Variants in CCDC68 observed in about 807,000 individuals in gnomAD.
The protein encoded by CCDC68 is coiled-coil domain containing 68.
Under a neutral mutation model 47.1 loss-of-function variants are expected in CCDC68, and 45 were observed. The observed-to-expected ratio is 0.96, with a 90% CI of 0.75 to 1.23. CCDC68 has a LOEUF of 1.23. CCDC68 is among the 50% of genes most tolerant of loss of function. The probability of loss-of-function intolerance (pLI) is 0.00; values close to 1 mark genes in which losing one functional copy is unlikely to be tolerated. For synonymous variants in CCDC68, 131 were observed against 129.5 expected (o/e 1.01, Z -0.08); for missense variants, 353 against 373.6 (o/e 0.94, Z 0.45).
intron 11 of CCDC68, among the ~76,000 whole-genome samples, chr18:54,907,027 T>G (rs548701302): frequency 1.3e-5 from 2 of 152,328 alleles, no homozygotes; most frequent in East Asian, 3.9e-4. Context: ...GAAAATAAGA[T>G]TCTTCCCTAG....
At chr18:54,918,055 A>C (rs1023120814) in intron 9 of CCDC68, 59 bp from the exon 10 acceptor site, 10 of 715,960 alleles carry the variant, frequency 1.4e-5, no homozygotes, top group Non-Finnish European at 2.3e-5. Context: ...ATAGTTACTT[A>C]AGTCAGAAAT....
intron 3 of CCDC68, 32 bp from the exon 4 acceptor site, chr18:54,941,115 A>G (rs757793324): frequency 9.8e-6 from 15 of 1,536,326 alleles, no homozygotes; most frequent in Non-Finnish European, 1.3e-5. Flanking sequence ...ATTTGTTTCA[A>G]AGGCATTTAA....
chr18:54,946,647 T>C (rs1191161314), intron 1 of CCDC68, among the ~76,000 whole-genome samples: 1 of 152,226 alleles, frequency 6.6e-6, no homozygotes, highest in Non-Finnish European at 1.5e-5. Flanking sequence ...TCCTAAAATA[T>C]ACTCTCTTAT....
intron 1 of CCDC68, chr18:54,954,861 T>G (rs916764308): frequency 6.6e-6 from 1 of 152,156 alleles, no homozygotes; most frequent in Non-Finnish European, 1.5e-5. Flanking sequence ...AGTAGTAGTA[T>G]TCTCATCTAG....
chr18:54,948,562 T>C (rs2145623513), intron 1 of CCDC68, among the ~76,000 whole-genome samples: 1 of 152,312 alleles, frequency 6.6e-6, no homozygotes, highest in East Asian at 1.9e-4. Context: ...CTGTTTATAT[T>C]GTAGAGACTG....
At chr18:54,938,895 T>C (rs1025135776) in intron 4 of CCDC68, among the ~76,000 whole-genome samples, 3 of 152,272 alleles carry the variant, frequency 2.0e-5, no homozygotes, top group Non-Finnish European at 4.4e-5. Context: ...ACACCTGTTA[T>C]ATGCCAGGTC....
intron 1 of CCDC68, among the ~76,000 whole-genome samples, chr18:54,956,903 A>C (rs2044720739): frequency 6.6e-6 from 1 of 152,180 alleles, no homozygotes; most frequent in African/African-American, 2.4e-5. Flanking sequence ...TGGTATGTAA[A>C]TTATACCTCC....
chr18:54,903,321 A>T lies in CCDC68; in HGVS notation c.*1037T>A, dbSNP rs567733306. 3 of 152,286 alleles carry T rather than the reference A, an allele frequency of 2.0e-5. No homozygotes were observed. The East Asian group carries it at 5.8e-4, about 29-fold the overall frequency. The allele number at this position is 152,286 out of a possible 1,614,324, so 9.4% of individuals were successfully genotyped here. ...TTTAATTGAAGTTTGTTCTTTCCTG[A>T]CTGTATGTCTGCATTTCTGCAAGTC... is the stretch of plus-strand genomic sequence containing the variant. On this transcript the variant is annotated 3_prime_UTR_variant, in exon 12 of 12. Transcript: ENST00000591504.
chr18:54,921,927 T>C (rs888122349), intron 8 of CCDC68, among the ~76,000 whole-genome samples: 12 of 152,196 alleles, frequency 7.9e-5, no homozygotes, highest in African/African-American at 2.9e-4. Context: ...TCTTTTTCTC[T>C]TAGAGAGGGG....
intron 11 of CCDC68, among the ~76,000 whole-genome samples, chr18:54,905,158 G>A (rs1913914658): frequency 6.6e-6 from 1 of 152,048 alleles, no homozygotes; most frequent in African/African-American, 2.4e-5. Flanking sequence ...GGAGGCTGAG[G>A]TGGGAGAATC....
intron 4 of CCDC68, 93 bp downstream of exon 4, chr18:54,940,904 T>C (rs2044425361): frequency 2.5e-6 from 2 of 815,508 alleles, no homozygotes; most frequent in South Asian, 1.6e-5. Flanking sequence ...TCAACACTCA[T>C]CCTTCGAATC....
intron 8 of CCDC68, among the ~76,000 whole-genome samples, chr18:54,920,626 C>T (rs1196482734): frequency 6.6e-6 from 1 of 152,106 alleles, no homozygotes; most frequent in East Asian, 1.9e-4. Context: ...GAGAAATGCA[C>T]ATCTAAACCA....
chr18:54,915,709 G>A (rs1174330470), intron 10 of CCDC68, among the ~76,000 whole-genome samples: 3 of 152,066 alleles, frequency 2.0e-5, no homozygotes, highest in Non-Finnish European at 4.4e-5. Context: ...TGGGCAGATC[G>A]CTTGAGGTCA....
At chr18:54,926,576 C>A (rs1347304962) in intron 8 of CCDC68, among the ~76,000 whole-genome samples, 2 of 152,108 alleles carry the variant, frequency 1.3e-5, no homozygotes, top group Non-Finnish European at 2.9e-5. Context: ...AATATGTTTC[C>A]CCAAAAGATA....
At position 54,904,282 on chromosome 18, in the gene CCDC68, A is replaced by G. The variant is rs1486238947; in HGVS notation, c.*76T>C. 2 of 1,186,718 alleles carry G rather than the reference A, an allele frequency of 1.7e-6. No homozygotes were observed. The highest frequency in any genetic ancestry group is 1.2e-6 in the Non-Finnish European group (1 of 805,432). 73.5% of individuals were successfully genotyped at this position (1,186,718 alleles called of 1,614,324 possible). ...AATAATGGCATTTTGCCATTTTAAC[A>G]TGAAACTTGGGCTGTGTTTCAGAGA... On this transcript the variant is annotated 3_prime_UTR_variant, in exon 12 of 12. Coordinates refer to ENST00000591504, the MANE Select transcript of CCDC68 (RefSeq NM_025214.3).
At position 54,928,864 on chromosome 18, in the gene CCDC68, C is replaced by A; in HGVS notation, c.619G>T (p.Glu207Ter). Residue 207 changes from glutamate (E) to a stop codon, truncating the protein, a stop_gained, in exon 8 of 12, where the codon GAA becomes TAA. Transcript: ENST00000591504. LOFTEE classifies it high-confidence loss of function. ...TTGTTTTCCAAAGACAGTTTTCTTT[C>A]TAGTAGTGTTCTCTTTTCCTAGGAG... ...RMEKEKRTLLERKLSLENKLL... is the reference protein window; with the variant it reads ...RMEKEKRTLL The A allele has an allele frequency of 1.9e-6, 3 of 1,608,182 alleles. No homozygotes were observed. Among genetic ancestry groups the A allele is most frequent in the East Asian group, 4.5e-5 (2 of 44,830 alleles).
chr18:54,911,538 A>T (rs1914367448), intron 10 of CCDC68, among the ~76,000 whole-genome samples: 1 of 152,242 alleles, frequency 6.6e-6, no homozygotes, highest in Non-Finnish European at 1.5e-5. Flanking sequence ...AAGTTTCACC[A>T]AGGAAATGTA....
intron 8 of CCDC68, among the ~76,000 whole-genome samples, chr18:54,925,190 G>A (rs1351646013): frequency 4.6e-5 from 7 of 152,138 alleles, no homozygotes; most frequent in Non-Finnish European, 1.0e-4. Flanking sequence ...GTGATCCCCT[G>A]TGAGCAAGTC....
At chr18:54,928,691 G>GTCATCCTAT in intron 8 of CCDC68, 109 bp downstream of exon 8, 2 of 695,090 alleles carry the variant, frequency 2.9e-6, no homozygotes, top group South Asian at 3.6e-5. Flanking sequence ...TGCACTGTCA[G>GTCATCCTAT]TCATCCTATT....
Sources: gnomAD v4.1 joint callset for allele counts (sites outside exome capture counted in the v4.1 genomes callset) on GRCh38, gnomAD v4.1.1 for gene constraint, MANE v1.5 for transcripts, NCBI Gene and HGNC (gene_info 2026-07-23, HGNC 2026-07-21) for gene names.